Variants in ACOT11 observed in about 807,000 individuals in gnomAD.
ACOT11 encodes the protein acyl-coenzyme A thioesterase 11.
A neutral mutation model predicts 77.5 loss-of-function variants in ACOT11; 69 were observed. That is an observed-to-expected ratio of 0.89 (90% CI 0.73 to 1.09). ACOT11 has a LOEUF of 1.09. Among genes scored for constraint, ACOT11 ranks in the 50% least tolerant of loss-of-function variants. The pLI is 0.00. For missense variants in ACOT11, 766 were observed against 813.7 expected, an observed-to-expected ratio of 0.94 and a Z score of 0.71; for synonymous variants, 279 against 313.0, an observed-to-expected ratio of 0.89 and a Z score of 1.15.
intron 1 of ACOT11, among the ~76,000 whole-genome samples, chr1:54,558,385 G>A (rs1024643761): frequency 1.3e-5 from 2 of 152,168 alleles, no homozygotes; most frequent in Non-Finnish European, 2.9e-5. Context: ...AATTGTGTCC[G>A]TATTAAAGAT....
In ACOT11 at chr1:54,604,230, C is replaced by T. The variant is rs3816068; in HGVS notation, c.1153-116C>T. 308 of 929,964 alleles carry T rather than the reference C, an allele frequency of 3.3e-4. No homozygotes were observed. In the East Asian group the frequency reaches 7.3e-3, roughly 22 times the overall value. 57.6% of individuals were successfully genotyped at this position (929,964 alleles called of 1,614,324 possible). On this transcript the variant is annotated intron_variant, in intron 11 of 15. Coordinates refer to ENST00000343744, the MANE Select transcript of ACOT11 (RefSeq NM_147161.4). ...TTTCCACAGCACCTGCCGCACCACC[C>T]ACCCACCGCCCAACCCATTCCTGGC...
At chr1:54,597,180 AG>A in intron 6 of ACOT11, 78 bp from the exon 7 acceptor site, 2 of 1,573,276 alleles carry the variant, frequency 1.3e-6, no homozygotes, top group Non-Finnish European at 1.7e-6. Flanking sequence ...TGGGGGTCCC[AG>A]GGCTGCCTGT....
At chr1:54,581,649 G>A (rs775402224) in intron 1 of ACOT11, among the ~76,000 whole-genome samples, 5 of 152,072 alleles carry the variant, frequency 3.3e-5, no homozygotes, top group African/African-American at 4.8e-5. Context: ...TGTCTGAGAG[G>A]GCACATCTCC....
intron 6 of ACOT11, among the ~76,000 whole-genome samples, chr1:54,595,112 C>T (rs564760398): frequency 5.9e-5 from 9 of 152,188 alleles, no homozygotes; most frequent in Admixed American, 4.6e-4. Flanking sequence ...TTTGGGAGGC[C>T]GAGGCGGGTG....
At chr1:54,613,500 C>A (rs1440010855), downstream of ACOT11, among the ~76,000 whole-genome samples, 1 of 151,992 alleles carries the variant, frequency 6.6e-6, no homozygotes, top group Admixed American at 6.6e-5. Context: ...GTTGCCCAGG[C>A]TGGTCTCAAA....
chr1:54,597,025 C>G (rs1368970664), intron 6 of ACOT11, among the ~76,000 whole-genome samples: 3 of 152,240 alleles, frequency 2.0e-5, no homozygotes, highest in Non-Finnish European at 4.4e-5. Flanking sequence ...TGGAGTGGAG[C>G]TGAGGCTCAG....
chr1:54,588,117 T>A (rs1368887948), intron 3 of ACOT11, among the ~76,000 whole-genome samples: 2 of 151,928 alleles, frequency 1.3e-5, no homozygotes, highest in East Asian at 3.9e-4. Context: ...GGTGGGAGGA[T>A]CACTTGAGCC....
intron 1 of ACOT11, among the ~76,000 whole-genome samples, chr1:54,576,092 AT>A (rs1327399454): frequency 6.6e-6 from 1 of 152,088 alleles, no homozygotes; most frequent in African/African-American, 2.4e-5. Flanking sequence ...TTTTAAGGGA[AT>A]TTGAAGGAGC....
At chr1:54,558,218 C>G (rs1051803343) in intron 1 of ACOT11, among the ~76,000 whole-genome samples, 1 of 152,148 alleles carries the variant, frequency 6.6e-6, no homozygotes, top group Non-Finnish European at 1.5e-5. Context: ...ACAGCTAGTG[C>G]AGGAGAGATA....
downstream of ACOT11, chr1:54,614,894 C>G (rs774957277): frequency 6.2e-7 from 1 of 1,603,460 alleles, no homozygotes; most frequent in Non-Finnish European, 8.5e-7. Context: ...GGGGAAATGG[C>G]GAAGGAACTA....
At chr1:54,604,451 A>G (rs376969020) in intron 12 of ACOT11, 22 bp downstream of exon 12, 127 of 1,611,864 alleles carry the variant, frequency 7.9e-5, no homozygotes, top group Non-Finnish European at 1.0e-4. Flanking sequence ...CACCCACCCA[A>G]TTTTCCTTTC....
chr1:54,589,630 C>A (rs937834410), intron 3 of ACOT11, among the ~76,000 whole-genome samples: 1 of 152,004 alleles, frequency 6.6e-6, no homozygotes, highest in Non-Finnish European at 1.5e-5. Context: ...GGCACCATAC[C>A]TGGCTAATTA....
intron 1 of ACOT11, among the ~76,000 whole-genome samples, chr1:54,567,074 T>C (rs1653759020): frequency 6.6e-6 from 1 of 152,162 alleles, no homozygotes; most frequent in Non-Finnish European, 1.5e-5. Flanking sequence ...TATATGTTAG[T>C]GTCTCCAGGT....
rs945651605 is a variant in ACOT11, at chr1:54,548,362, G to A, written c.33+20G>A. 1.9e-6 allele frequency: 3 copies of A among 1,598,392 alleles called. No homozygotes were observed. The highest frequency in any genetic ancestry group is 2.6e-6 in the Non-Finnish European group (3 of 1,172,774). On this transcript the variant is annotated intron_variant, in intron 1 of 15. Transcript: ENST00000343744. ...CGACGGGTATGGAGGGTGGGCTGGG[G>A]CAGCGGGAGGGCTCTGGAAGCTGGG...
Position 54,609,227 on chromosome 1 carries a change from GCCT to G in ACOT11, c.*118_*120del. 6.3e-7 allele frequency: 1 copy of G among 1,589,970 alleles called. No individual in the cohort carries two copies. Among genetic ancestry groups the G allele is most frequent in the Non-Finnish European group, 8.6e-7 (1 of 1,166,830 alleles). ...ATTTCTTCCTGCCTCCCCGTGGGAA[GCCT>G]CCGCCCTGAGGTCCGCTGGCCCACC... On this transcript the variant is annotated 3_prime_UTR_variant, in exon 16 of 16. Coordinates refer to ENST00000343744, the MANE Select transcript of ACOT11 (RefSeq NM_147161.4).
chr1:54,557,828 A>G (rs1557645364), intron 1 of ACOT11, among the ~76,000 whole-genome samples: 2 of 152,160 alleles, frequency 1.3e-5, no homozygotes, highest in Non-Finnish European at 2.9e-5. Flanking sequence ...AACAGGGACA[A>G]TTTAACTTCC....
At chr1:54,574,781 C>G (rs1654046572) in intron 1 of ACOT11, among the ~76,000 whole-genome samples, 1 of 152,172 alleles carries the variant, frequency 6.6e-6, no homozygotes, top group Non-Finnish European at 1.5e-5. Context: ...ATTTCTGTTT[C>G]CCAAAGTGAG....
intron 3 of ACOT11, among the ~76,000 whole-genome samples, chr1:54,586,182 G>A (rs941593557): frequency 1.3e-5 from 2 of 152,180 alleles, no homozygotes; most frequent in African/African-American, 4.8e-5. Context: ...GCGTGACTTT[G>A]GGGAAGTCAG....
chr1:54,625,939 CAA>C (rs55726397), intron 15 of ACOT11, among the ~76,000 whole-genome samples: 8 of 107,250 alleles, frequency 7.5e-5, no homozygotes, highest in Admixed American at 1.0e-4. Flanking sequence ...AACTCTGTCT[CAA>C]AAAAAAAAAA....
Sources: allele counts gnomAD v4.1 joint callset (sites outside exome capture counted in the v4.1 genomes callset), GRCh38; gene constraint gnomAD v4.1.1; transcripts MANE v1.5; gene names NCBI Gene and HGNC (gene_info 2026-07-23, HGNC 2026-07-21).